The following CPEB2 variants were observed in gnomAD, a reference collection of about 807,000 sequenced individuals.
CPEB2 encodes cytoplasmic polyadenylation element binding protein 2, also known as cytoplasmic polyadenylation element-binding protein 2.
A neutral mutation model predicts 93.6 loss-of-function variants in CPEB2; 56 were observed. The ratio of observed to expected loss-of-function variants is 0.60; its 90% CI spans 0.48 to 0.75. The LOEUF (loss-of-function observed/expected upper bound fraction) is 0.75. Ranked by LOEUF, CPEB2 falls within the 30% of genes least tolerant of loss-of-function variation. CPEB2 has a pLI of 0.00. For synonymous variants in CPEB2, 764 were observed against 586.3 expected (o/e 1.30, Z -4.38); for missense variants, 1,579 against 1,395.1 (o/e 1.13, Z -2.10).
intron 4 of CPEB2, among the ~76,000 whole-genome samples, chr4:15,022,904 C>T (rs1474251058): frequency 6.6e-6 from 1 of 152,046 alleles, no homozygotes; most frequent in African/African-American, 2.4e-5. Flanking sequence ...TGAAATATGA[C>T]ATCATGGATG....
chr4:15,016,158 T>C (rs1724116616), intron 3 of CPEB2, among the ~76,000 whole-genome samples: 1 of 152,048 alleles, frequency 6.6e-6, no homozygotes, highest in Non-Finnish European at 1.5e-5. Flanking sequence ...CCATTTTCTG[T>C]GACAGTCATT....
intron 10 of CPEB2, 94 bp downstream of exon 10, chr4:15,059,395 C>G: frequency 1.3e-6 from 1 of 760,472 alleles, no homozygotes; most frequent in Non-Finnish European, 2.2e-6. Context: ...GTACATGACA[C>G]TATTGGACAG....
At position 15,013,289 on chromosome 4, in the gene CPEB2, C is replaced by A. The variant is rs140805503; in HGVS notation, c.2035-3899C>A. ...ATTCTGTAATCTGTTTCTGAAAGCC[C>A]ATTTAGTTGATTGTTTGCCAGATAG... On this transcript the variant is annotated intron_variant, in intron 3 of 11. Transcript: ENST00000538197. Among the ~76,000 whole-genome samples, 1,332 of 151,968 alleles carry A rather than the reference C, an allele frequency of 8.8e-3. 10 individuals are homozygous for A. The highest frequency in any genetic ancestry group is 0.014 in the South Asian group (69 of 4,826).
At chr4:15,036,615 ATCT>A (rs1363469687) in intron 5 of CPEB2, among the ~76,000 whole-genome samples, 2 of 152,224 alleles carry the variant, frequency 1.3e-5, no homozygotes, top group East Asian at 1.9e-4. Flanking sequence ...TTTGAATTAT[ATCT>A]TCTTTACCCC....
chr4:15,047,270 T>G (rs1727801764), intron 6 of CPEB2, among the ~76,000 whole-genome samples: 1 of 152,172 alleles, frequency 6.6e-6, no homozygotes, highest in African/African-American at 2.4e-5. Context: ...AGGCCTTTGA[T>G]TTATCATAAA....
chr4:15,003,116 C>CCT lies in CPEB2; in HGVS notation c.445_446dup (p.Ser150ProfsTer26). The CCT allele has an allele frequency of 6.5e-7, 1 of 1,533,118 alleles. No homozygotes were observed. Among genetic ancestry groups the CCT allele is most frequent in the Non-Finnish European group, 8.7e-7 (1 of 1,145,788 alleles). The allele number at this position is 1,533,118 out of a possible 1,614,324, so 95.0% of individuals were successfully genotyped here. ...TTCAAACCGAGTCTGCACCACCCCT[C>CCT]CTCCTCCTCCGCCTCCTCCTGCTGC... is the stretch of plus-strand genomic sequence containing the variant. On this transcript the variant is annotated frameshift_variant, in exon 1 of 12. Coordinates refer to ENST00000538197, the MANE Select transcript of CPEB2 (RefSeq NM_001177382.2). LOFTEE classifies it high-confidence loss of function.
intron 5 of CPEB2, among the ~76,000 whole-genome samples, chr4:15,034,644 A>G (rs4593126): frequency 1.3e-5 from 2 of 152,148 alleles, no homozygotes; most frequent in African/African-American, 4.8e-5. Context: ...GGACATGAAA[A>G]TGTGTTTACA....
chr4:15,040,247 T>C (rs1214795751), intron 5 of CPEB2, among the ~76,000 whole-genome samples: 1 of 152,190 alleles, frequency 6.6e-6, no homozygotes, highest in African/African-American at 2.4e-5. Context: ...ATTTCAGAGT[T>C]TTATATGATT....
intron 6 of CPEB2, among the ~76,000 whole-genome samples, chr4:15,047,456 G>A (rs1727819410): frequency 1.3e-5 from 2 of 151,964 alleles, no homozygotes; most frequent in Admixed American, 1.3e-4. Context: ...GTCATTTTCG[G>A]TGTAAAAGTC....
At chr4:15,055,304 A>G (rs1412395598) in intron 8 of CPEB2, among the ~76,000 whole-genome samples, 5 of 152,146 alleles carry the variant, frequency 3.3e-5, no homozygotes, top group Non-Finnish European at 4.4e-5. Flanking sequence ...ATCTGATTAA[A>G]GCTATCTACC....
At chr4:15,050,608 G>A (rs946865551) in intron 6 of CPEB2, among the ~76,000 whole-genome samples, 1 of 152,100 alleles carries the variant, frequency 6.6e-6, no homozygotes, top group African/African-American at 2.4e-5. Context: ...GATCATGTAT[G>A]TCCTCAAAAA....
rs954940112 is a variant in CPEB2 at position 15,002,980 on chromosome 4, C to G, written c.307C>G (p.Gln103Glu). ...GGATGAGCTGCTTCTGGGGCTGACA[C>G]AGCAGCCGGCGCGGCCGCTTTCGGG... ...MQDELLLGLT[Q>E]QPARPLSGAA... The change falls in exon 1 of 12, where the codon CAG becomes GAG. Residue 103 changes from glutamine (Q) to glutamate (E), a missense_variant. Transcript: ENST00000538197. The G allele has an allele frequency of 6.6e-7, 1 of 1,505,914 alleles. No homozygotes were observed. Among genetic ancestry groups the G allele is most frequent in the East Asian group, 2.5e-5 (1 of 40,332 alleles). The allele number at this position is 1,505,914 out of a possible 1,614,324, so 93.3% of individuals were successfully genotyped here. A position where few individuals can be genotyped will look rare whatever the true frequency, so the allele number is the denominator to read the frequency against.
At chr4:15,006,343 C>G (rs113932668) in intron 1 of CPEB2, 25 of 151,652 alleles carry the variant, frequency 1.6e-4, no homozygotes, top group African/African-American at 6.0e-4. Flanking sequence ...GTTCATACTT[C>G]TTTAGCTACA....
chr4:15,065,934 T>C (rs1445974971), intron 11 of CPEB2, among the ~76,000 whole-genome samples: 1 of 148,338 alleles, frequency 6.7e-6, no homozygotes, highest in Non-Finnish European at 1.5e-5. Flanking sequence ...AAAGATGTTA[T>C]TCAAGAAAGG....
chr4:15,005,403 G>T (rs1722691548), intron 1 of CPEB2, among the ~76,000 whole-genome samples: 1 of 152,172 alleles, frequency 6.6e-6, no homozygotes, highest in South Asian at 2.1e-4. Flanking sequence ...AATGACACTG[G>T]GCAGAATTTT....
intron 4 of CPEB2, among the ~76,000 whole-genome samples, chr4:15,018,297 TCTAA>T (rs1254186796): frequency 2.0e-5 from 3 of 151,854 alleles, no homozygotes; most frequent in South Asian, 4.1e-4. Context: ...TGACCACATA[TCTAA>T]CTATTTTTTT....
At chr4:15,031,113 T>A (rs180915096) in intron 4 of CPEB2, among the ~76,000 whole-genome samples, 123 of 152,236 alleles carry the variant, frequency 8.1e-4, no homozygotes, top group African/African-American at 2.7e-3. Flanking sequence ...ACCTAGCATA[T>A]TTTATTGAAA....
chr4:15,026,261 C>CTG (rs1224079632), intron 4 of CPEB2, among the ~76,000 whole-genome samples: 1 of 150,612 alleles, frequency 6.6e-6, no homozygotes, highest in Non-Finnish European at 1.5e-5. Flanking sequence ...GAGTCTTGCT[C>CTG]TGTCACCCAG....
In CPEB2 at chr4:15,067,658, TAAGTA is replaced by T. The variant is rs1729796199; in HGVS notation, c.*1283_*1287del. ...AAGAATGCAAAACTTTAGTAAACCC[TAAGTA>T]AAGTCAAAATGGAGAAGGGGAAATA... On this transcript the variant is annotated 3_prime_UTR_variant, in exon 12 of 12. Transcript: ENST00000538197. 1 of 152,404 alleles carries T rather than the reference TAAGTA, an allele frequency of 6.6e-6. No homozygotes were observed. The highest frequency in any genetic ancestry group is 1.5e-5 in the Non-Finnish European group (1 of 67,952). 9.4% of individuals were successfully genotyped at this position (152,404 alleles called of 1,614,324 possible).
Sources: gnomAD v4.1 joint callset for allele counts (sites outside exome capture counted in the v4.1 genomes callset) on GRCh38, gnomAD v4.1.1 for gene constraint, MANE v1.5 for transcripts, NCBI Gene and HGNC (gene_info 2026-07-23, HGNC 2026-07-21) for gene names.